The following IQCJ variants were observed in gnomAD, a reference collection of about 807,000 sequenced individuals.
The protein encoded by IQCJ is IQ motif containing J.
In IQCJ, 9 loss-of-function variants were observed where a neutral mutation model predicts 11.0. That is an observed-to-expected ratio of 0.82 (90% CI 0.49 to 1.43). IQCJ has a LOEUF of 1.43. Among genes scored for constraint, IQCJ ranks in the 40% most tolerant of loss-of-function variants. The probability of loss-of-function intolerance (pLI) is 0.00; values close to 1 mark genes in which losing one functional copy is unlikely to be tolerated. For synonymous variants in IQCJ, 55 were observed against 51.3 expected, an observed-to-expected ratio of 1.07 and a Z score of -0.31; for missense variants, 146 against 133.2, an observed-to-expected ratio of 1.10 and a Z score of -0.47.
At chr3:159,130,468 A>G (rs764654876) in intron 1 of IQCJ, among the ~76,000 whole-genome samples, 1 of 152,186 alleles carries the variant, frequency 6.6e-6, no homozygotes, top group Non-Finnish European at 1.5e-5. Context: ...AATATTTGAC[A>G]TAGAGCAACT....
chr3:159,141,710 A>G (rs369491121), intron 1 of IQCJ, among the ~76,000 whole-genome samples: 5 of 152,322 alleles, frequency 3.3e-5, no homozygotes, highest in Admixed American at 3.3e-4. Context: ...TATGATTTTG[A>G]TAAGTAAGTT....
intron 1 of IQCJ, among the ~76,000 whole-genome samples, chr3:159,245,458 C>CTTTTTTTTTTTTTTTTTTTTTTTTTTTTT (rs34153369): frequency 8.8e-6 from 1 of 113,060 alleles, no homozygotes; most frequent in Non-Finnish European, 1.8e-5. Context: ...GTCCTGAATT[C>CTTTTTTTTTTTTTTTTTTTTTTTTTTTTT]TTTTTTTTTT....
At chr3:159,101,715 T>G (rs1314983941) in intron 1 of IQCJ, among the ~76,000 whole-genome samples, 2 of 152,208 alleles carry the variant, frequency 1.3e-5, no homozygotes, top group Non-Finnish European at 2.9e-5. Flanking sequence ...TGATCTTCTT[T>G]GTGTTCAGGT....
At chr3:159,121,085 T>A (rs13315896) in intron 1 of IQCJ, among the ~76,000 whole-genome samples, 1 of 151,688 alleles carries the variant, frequency 6.6e-6, no homozygotes, top group African/African-American at 2.4e-5. Context: ...CCAAGACAAA[T>A]ATACCCAGCC....
At chr3:159,145,148 A>G (rs1560002142) in intron 1 of IQCJ, among the ~76,000 whole-genome samples, 2 of 152,188 alleles carry the variant, frequency 1.3e-5, no homozygotes, top group Non-Finnish European at 2.9e-5. Flanking sequence ...TGACCTCTGA[A>G]CAAGGCTGTA....
chr3:159,154,066 A>G (rs1577045406), intron 1 of IQCJ, among the ~76,000 whole-genome samples: 1 of 152,224 alleles, frequency 6.6e-6, no homozygotes, highest in South Asian at 2.1e-4. Context: ...AAGCCCAACT[A>G]TTAAAAATCC....
At chr3:159,183,729 AC>A (rs2108021630) in intron 1 of IQCJ, among the ~76,000 whole-genome samples, 1 of 152,320 alleles carries the variant, frequency 6.6e-6, no homozygotes, top group African/African-American at 2.4e-5. Context: ...GTCACAATAC[AC>A]ATAAAAGGCA....
chr3:159,132,169 G>T (rs934238705), intron 1 of IQCJ, among the ~76,000 whole-genome samples: 8 of 152,294 alleles, frequency 5.3e-5, no homozygotes, highest in African/African-American at 1.9e-4. Context: ...CAGTTGAGAA[G>T]GTCTTGGAGT....
At chr3:159,171,705 G>T (rs529594347) in intron 1 of IQCJ, among the ~76,000 whole-genome samples, 18 of 152,310 alleles carry the variant, frequency 1.2e-4, no homozygotes, top group Admixed American at 1.0e-3. Context: ...AGCTCCACAG[G>T]TGATTCTTAA....
chr3:159,218,393 A>G (rs2108111163), intron 1 of IQCJ, among the ~76,000 whole-genome samples: 1 of 151,868 alleles, frequency 6.6e-6, no homozygotes, highest in African/African-American at 2.4e-5. Context: ...GAAACATATC[A>G]GAAGTTCAAA....
intron 1 of IQCJ, among the ~76,000 whole-genome samples, chr3:159,189,460 G>C (rs1187822539): frequency 6.6e-6 from 1 of 152,112 alleles, no homozygotes; most frequent in Non-Finnish European, 1.5e-5. Context: ...TATTGTTCTA[G>C]CAAATTTTGG....
intron 1 of IQCJ, among the ~76,000 whole-genome samples, chr3:159,112,809 G>A (rs968983161): frequency 6.6e-6 from 1 of 152,132 alleles, no homozygotes; most frequent in Non-Finnish European, 1.5e-5. Flanking sequence ...CAGATTACTA[G>A]CTTCCTTAGT....
At chr3:159,128,289 C>T (rs983546499) in intron 1 of IQCJ, among the ~76,000 whole-genome samples, 2 of 152,096 alleles carry the variant, frequency 1.3e-5, no homozygotes, top group Non-Finnish European at 2.9e-5. Flanking sequence ...AAAGTAATAA[C>T]TAGAATTGGT....
chr3:159,215,529 A>T (rs1725177354), intron 1 of IQCJ, among the ~76,000 whole-genome samples: 1 of 152,228 alleles, frequency 6.6e-6, no homozygotes, highest in Non-Finnish European at 1.5e-5. Context: ...TGAGAAAACC[A>T]GCAAAGGCGT....
intron 1 of IQCJ, among the ~76,000 whole-genome samples, chr3:159,200,213 G>C (rs891536960): frequency 6.6e-6 from 1 of 150,820 alleles, no homozygotes; most frequent in African/African-American, 2.5e-5. Flanking sequence ...ATAACATTGA[G>C]ATTCATAGCT....
chr3:159,263,540 G>A lies in IQCJ; in HGVS notation c.*809G>A. 1.0e-6 allele frequency: 1 copy of A among 985,148 alleles called. No homozygotes were observed. Among genetic ancestry groups the A allele is most frequent in the Non-Finnish European group, 1.2e-6 (1 of 829,728 alleles). 61.0% of individuals were successfully genotyped at this position (985,148 alleles called of 1,614,324 possible). On this transcript the variant is annotated 3_prime_UTR_variant, in exon 4 of 4. Transcript: ENST00000397832. ...TAAGCATTGTGATAATTTGTAACCA[G>A]TCACTGAAATGCTGAAAAGTTAGAG...
chr3:159,214,682 C>T (rs1178832924), intron 1 of IQCJ, among the ~76,000 whole-genome samples: 5 of 152,182 alleles, frequency 3.3e-5, no homozygotes, highest in African/African-American at 9.6e-5. Flanking sequence ...CCCTTTCCAT[C>T]TTAGCACCAG....
chr3:159,153,382 G>A (rs970436104), intron 1 of IQCJ, among the ~76,000 whole-genome samples: 2 of 152,164 alleles, frequency 1.3e-5, no homozygotes, highest in African/African-American at 4.8e-5. Context: ...GCACAATGGA[G>A]GCTCTGAGTT....
At chr3:159,213,335 G>T (rs535453657) in intron 1 of IQCJ, among the ~76,000 whole-genome samples, 1 of 152,308 alleles carries the variant, frequency 6.6e-6, no homozygotes, top group South Asian at 2.1e-4. Flanking sequence ...TGACACTGAA[G>T]TGGGTCAAAC....
Sources: gnomAD v4.1 joint callset for allele counts (sites outside exome capture counted in the v4.1 genomes callset) on GRCh38, gnomAD v4.1.1 for gene constraint, MANE v1.5 for transcripts, NCBI Gene and HGNC (gene_info 2026-07-23, HGNC 2026-07-21) for gene names.